SCYL2: variants seen among roughly 807,000 people sequenced by gnomAD.
The protein encoded by SCYL2 is SCY1 like pseudokinase 2.
Under a neutral mutation model 100.4 loss-of-function variants are expected in SCYL2, and 36 were observed. That is an observed-to-expected ratio of 0.36 (90% CI 0.27 to 0.47). The LOEUF (loss-of-function observed/expected upper bound fraction) is 0.47. SCYL2 is among the 20% of genes least tolerant of loss of function. The probability of loss-of-function intolerance (pLI) is 1.00; values close to 1 mark genes in which losing one functional copy is unlikely to be tolerated. For synonymous variants in SCYL2, 330 were observed against 359.2 expected (o/e 0.92, Z 0.92); for missense variants, 902 against 1,083.9 (o/e 0.83, Z 2.36).
chr12:100,335,336 G>C (rs984964853), intron 14 of SCYL2, among the ~76,000 whole-genome samples: 9 of 152,044 alleles, frequency 5.9e-5, no homozygotes, highest in African/African-American at 1.9e-4. Flanking sequence ...TTGTCTTTGA[G>C]TGAGATGTTA....
intron 7 of SCYL2, 37 bp from the exon 8 acceptor site, chr12:100,314,452 A>G: frequency 6.8e-7 from 1 of 1,472,990 alleles, no homozygotes; most frequent in Non-Finnish European, 9.3e-7. Flanking sequence ...CTTTCAATTT[A>G]ACATTTATCA....
Position 100,335,698 on chromosome 12 carries a change from A to T in SCYL2, c.1929+7A>T. The T allele has an allele frequency of 6.2e-7, 1 of 1,609,716 alleles. No homozygotes were observed. Among genetic ancestry groups the T allele is most frequent in the Non-Finnish European group, 8.5e-7 (1 of 1,177,216 alleles). On this transcript the variant is annotated splice_region_variant and intron_variant, in intron 15 of 17. Coordinates refer to ENST00000360820, the MANE Select transcript of SCYL2 (RefSeq NM_017988.6). ...TACAAATATTGGGAATCAGGTAAGA[A>T]GCAGCTTAATTTTTGCAGAAAGTAT...
At chr12:100,290,243 C>T (rs1251137866) in intron 2 of SCYL2, among the ~76,000 whole-genome samples, 1 of 152,054 alleles carries the variant, frequency 6.6e-6, no homozygotes, top group African/African-American at 2.4e-5. Context: ...TGATCTAATG[C>T]CAGTGTCTTG....
intron 2 of SCYL2, among the ~76,000 whole-genome samples, chr12:100,290,168 T>C (rs2096308908): frequency 6.6e-6 from 1 of 152,216 alleles, no homozygotes; most frequent in Non-Finnish European, 1.5e-5. Context: ...TCTTTTTTTT[T>C]CTGTTGAGAA....
chr12:100,329,943 T>G (rs1446778216), intron 13 of SCYL2, among the ~76,000 whole-genome samples: 1 of 152,182 alleles, frequency 6.6e-6, no homozygotes, highest in African/African-American at 2.4e-5. Context: ...TGGCAACTTG[T>G]TTCATCAAAG....
At chr12:100,308,853 G>C (rs1234903357) in intron 4 of SCYL2, among the ~76,000 whole-genome samples, 2 of 152,150 alleles carry the variant, frequency 1.3e-5, no homozygotes, top group African/African-American at 4.8e-5. Context: ...GCCCAGCATA[G>C]CTTTGCTTTC....
chr12:100,333,511 A>G (rs1007434791), intron 13 of SCYL2: 1 of 152,216 alleles, frequency 6.6e-6, no homozygotes, highest in African/African-American at 2.4e-5. Flanking sequence ...CCATTTCTAG[A>G]TTCTTCCTGT....
chr12:100,322,866 A>G (rs2096357691), intron 10 of SCYL2, among the ~76,000 whole-genome samples: 1 of 151,524 alleles, frequency 6.6e-6, no homozygotes, highest in Non-Finnish European at 1.5e-5. Context: ...GTCTCAAAAA[A>G]AAAAAAAAAA....
chr12:100,322,139 G>A (rs1197938011), intron 10 of SCYL2, among the ~76,000 whole-genome samples: 3 of 151,080 alleles, frequency 2.0e-5, no homozygotes, highest in East Asian at 1.9e-4. Context: ...TTGGGAGGCC[G>A]AGGCGGGCAG....
intron 2 of SCYL2, among the ~76,000 whole-genome samples, chr12:100,285,281 T>G (rs2096303268): frequency 6.6e-6 from 1 of 152,258 alleles, no homozygotes; most frequent in Non-Finnish European, 1.5e-5. Context: ...TGAACTTTAT[T>G]TAAATGCATT....
At chr12:100,311,464 A>G (rs765988206) in intron 5 of SCYL2, among the ~76,000 whole-genome samples, 2 of 152,150 alleles carry the variant, frequency 1.3e-5, no homozygotes, top group African/African-American at 2.4e-5. Context: ...GTCAAATGCA[A>G]TAACACATGT....
At position 100,335,651 on chromosome 12, in the gene SCYL2, A is replaced by G. The variant is rs756821266; in HGVS notation, c.1889A>G (p.Asn630Ser). 6.2e-6 allele frequency: 10 copies of G among 1,609,406 alleles called. No individual in the cohort carries two copies. The highest frequency in any genetic ancestry group is 4.2e-6 in the Non-Finnish European group (5 of 1,177,162). Reference sequence around the variant, plus strand: ...TCTTTGGATATAGGAAATCAAATGAATGTTTCTGAGGAGATGAAAGTTACA... The same window carrying G: ...TCTTTGGATATAGGAAATCAAATGAGTGTTTCTGAGGAGATGAAAGTTACA... ...QKSLDIGNQM[N>S]VSEEMKVTNI... The change falls in exon 15 of 18, where the codon AAT becomes AGT. Residue 630 changes from asparagine (N) to serine (S), a missense_variant. By Grantham distance (46) the Asn-to-Ser change is conservative. Coordinates refer to ENST00000360820, the MANE Select transcript of SCYL2 (RefSeq NM_017988.6).
chr12:100,290,503 G>C (rs2096309309), intron 2 of SCYL2, among the ~76,000 whole-genome samples: 1 of 152,140 alleles, frequency 6.6e-6, no homozygotes, highest in Non-Finnish European at 1.5e-5. Flanking sequence ...TGAGATGGTT[G>C]AGTTGCCAGG....
intron 1 of SCYL2, among the ~76,000 whole-genome samples, chr12:100,278,430 G>A (rs1310337329): frequency 6.6e-6 from 1 of 151,982 alleles, no homozygotes; most frequent in Non-Finnish European, 1.5e-5. Flanking sequence ...GAACTGCTGG[G>A]CTCAAGTGAT....
chr12:100,316,761 G>A (rs1326411085), intron 9 of SCYL2, among the ~76,000 whole-genome samples: 2 of 152,294 alleles, frequency 1.3e-5, no homozygotes, highest in East Asian at 3.9e-4. Flanking sequence ...CCTATAATCT[G>A]AATTCTTATT....
intron 5 of SCYL2, among the ~76,000 whole-genome samples, chr12:100,312,055 T>G (rs1004470953): frequency 6.6e-6 from 1 of 152,192 alleles, no homozygotes; most frequent in African/African-American, 2.4e-5. Flanking sequence ...ACTACAATCT[T>G]TTGAACTTTT....
At chr12:100,331,347 C>T (rs959908930) in intron 13 of SCYL2, among the ~76,000 whole-genome samples, 3 of 152,156 alleles carry the variant, frequency 2.0e-5, no homozygotes, top group African/African-American at 7.2e-5. Flanking sequence ...TAGGCTCACT[C>T]CTGTCATCCC....
rs534437006 is a variant in SCYL2, at chr12:100,325,796, C to T, written c.1510-826C>T. Among the ~76,000 whole-genome samples, 75 of 151,870 alleles carry T rather than the reference C, an allele frequency of 4.9e-4. No individual in the cohort carries two copies. The South Asian group carries it at 0.015, about 29-fold the overall frequency. On this transcript the variant is annotated intron_variant, in intron 11 of 17. Transcript: ENST00000360820. ...GAATGCAGCTGTTCCTTTTATAAAACGAATTATGAGTACAAGTTAAGCGTT... is the reference window on the plus strand; with the variant it reads ...GAATGCAGCTGTTCCTTTTATAAAATGAATTATGAGTACAAGTTAAGCGTT...
At chr12:100,304,269 T>A (rs1223873089) in intron 4 of SCYL2, among the ~76,000 whole-genome samples, 4 of 151,906 alleles carry the variant, frequency 2.6e-5, no homozygotes, top group South Asian at 2.1e-4. Context: ...AGTGAACGGT[T>A]CTGTCTCGCT....
Sources: allele counts gnomAD v4.1 joint callset (sites outside exome capture counted in the v4.1 genomes callset), GRCh38; gene constraint gnomAD v4.1.1; transcripts MANE v1.5; gene names NCBI Gene and HGNC (gene_info 2026-07-23, HGNC 2026-07-21).